Variants in NISCH observed in about 807,000 individuals in gnomAD.
The protein encoded by NISCH is nischarin.
In NISCH, 55 loss-of-function variants were observed where a neutral mutation model predicts 138.4. The ratio of observed to expected loss-of-function variants is 0.40; its 90% CI spans 0.32 to 0.50. The LOEUF is 0.50. Ranked by LOEUF, NISCH falls within the 20% of genes least tolerant of loss-of-function variation. The probability of loss-of-function intolerance (pLI) is 0.71; values close to 1 mark genes in which losing one functional copy is unlikely to be tolerated. For missense variants in NISCH, 1,643 were observed against 2,005.5 expected (o/e 0.82, Z 3.45); for synonymous variants, 860 against 861.5 (o/e 1.00, Z 0.03).
intron 1 of NISCH, among the ~76,000 whole-genome samples, chr3:52,457,226 G>A (rs1000448007): frequency 2.6e-5 from 4 of 152,182 alleles, no homozygotes; most frequent in African/African-American, 9.7e-5. Context: ...TTTTAACCCA[G>A]GCCTTCCTTA....
At chr3:52,481,586 G>A in intron 13 of NISCH, 2 of 985,568 alleles carry the variant, frequency 2.0e-6, no homozygotes, top group Non-Finnish European at 2.4e-6. Flanking sequence ...GGGACAGGGA[G>A]CTGCATCTGC....
intron 7 of NISCH, among the ~76,000 whole-genome samples, chr3:52,474,683 C>T (rs1217425847): frequency 2.0e-5 from 3 of 152,218 alleles, no homozygotes; most frequent in Non-Finnish European, 2.9e-5. Context: ...CCACCAGCCT[C>T]AGCCTCCCAA....
In NISCH at chr3:52,489,665, G is replaced by T; in HGVS notation, c.3443G>T (p.Ser1148Ile). ...RGSAIIELFH[S>I]SIAEVENEEL... Reference sequence around the variant, plus strand: ...AGCGCCATCATCGAGCTCTTCCACAGCAGCATTGCTGAGGTAGCGGCCCGG... The same window carrying T: ...AGCGCCATCATCGAGCTCTTCCACATCAGCATTGCTGAGGTAGCGGCCCGG... The change falls in exon 17 of 21, where the codon AGC becomes ATC. Residue 1148 changes from serine (S) to isoleucine (I), a missense_variant. By Grantham distance (142) the Ser-to-Ile change is moderately radical. Transcript: ENST00000345716. The T allele has an allele frequency of 6.2e-7, 1 of 1,612,344 alleles. No individual in the cohort carries two copies. Among genetic ancestry groups the T allele is most frequent in the Non-Finnish European group, 8.5e-7 (1 of 1,179,714 alleles).
intron 15 of NISCH, among the ~76,000 whole-genome samples, chr3:52,486,287 T>G (rs1481740928): frequency 6.6e-6 from 1 of 152,156 alleles, no homozygotes; most frequent in African/African-American, 2.4e-5. Context: ...AACTAATTTT[T>G]TATATTTTTA....
At position 52,488,068 on chromosome 3, in the gene NISCH, A is replaced by G; in HGVS notation, c.2576A>G (p.Tyr859Cys). The change falls in exon 16 of 21, where the codon TAC becomes TGC. Residue 859 changes from tyrosine to cysteine, a missense_variant. Physicochemically the swap from Tyr to Cys is radical, Grantham distance 194 (BLOSUM62 -2). Transcript: ENST00000345716. ...CGCAGCCAGGGCTGCTTCCCCGTCTACCTGGTCTACAGTGACAAGCGCATG... is the reference window on the plus strand; with the variant it reads ...CGCAGCCAGGGCTGCTTCCCCGTCTGCCTGGTCTACAGTGACAAGCGCATG... ...QERSQGCFPV[Y>C]LVYSDKRMVQ... The G allele has an allele frequency of 1.9e-6, 3 of 1,612,630 alleles. No individual in the cohort carries two copies. Among genetic ancestry groups the G allele is most frequent in the Non-Finnish European group, 2.5e-6 (3 of 1,179,860 alleles).
At chr3:52,480,420 G>T (rs944124513) in intron 13 of NISCH, 125 bp downstream of exon 13, 1 of 1,549,508 alleles carries the variant, frequency 6.5e-7, no homozygotes, top group Non-Finnish European at 8.7e-7. Context: ...AGGGAGGGCA[G>T]TGCCTTCTGC....
intron 12 of NISCH, 148 bp from the exon 13 acceptor site, chr3:52,480,036 C>T: frequency 1.0e-6 from 1 of 988,446 alleles, no homozygotes; most frequent in Non-Finnish European, 1.5e-6. Flanking sequence ...GGGGTGGGGA[C>T]AGTGGTAGTT....
At chr3:52,458,123 G>T (rs993787257) in intron 2 of NISCH, among the ~76,000 whole-genome samples, 197 bp downstream of exon 2, 3 of 152,230 alleles carry the variant, frequency 2.0e-5, no homozygotes, top group East Asian at 1.9e-4. Context: ...GAGCCACTCT[G>T]CAAGGAGCAT....
At position 52,458,753 on chromosome 3, in the gene NISCH, A is replaced by C; in HGVS notation, c.269A>C (p.Lys90Thr). Residue 90 changes from lysine (K) to threonine (T), a missense_variant, in exon 3 of 21, where the codon AAG becomes ACG. Transcript: ENST00000345716. ...AGAAGCTTGGTGGAGAAGAGGGAGA[A>C]GGATCTGGAGGTCTACCTCCAGAAG... ...NSRSLVEKREKDLEVYLQKLL... is the reference protein window; with the variant it reads ...NSRSLVEKRETDLEVYLQKLL... The C allele has an allele frequency of 6.2e-7, 1 of 1,613,852 alleles. No individual in the cohort carries two copies. Among genetic ancestry groups the C allele is most frequent in the Non-Finnish European group, 8.5e-7 (1 of 1,180,004 alleles).
chr3:52,457,385 G>A (rs972134982), intron 1 of NISCH, among the ~76,000 whole-genome samples: 1 of 152,238 alleles, frequency 6.6e-6, no homozygotes. Context: ...CTTCCAGGAG[G>A]TAGTCAGGGC....
chr3:52,488,636 G>A (rs774826601), intron 16 of NISCH, 31 bp downstream of exon 16: 7 of 1,550,098 alleles, frequency 4.5e-6, no homozygotes, highest in East Asian at 2.3e-5. Context: ...CAGGGGCCCC[G>A]GGGGCATGGG....
intron 1 of NISCH, among the ~76,000 whole-genome samples, chr3:52,456,946 CCCT>C (rs1432496097): frequency 2.6e-5 from 4 of 152,154 alleles, no homozygotes; most frequent in African/African-American, 9.7e-5. Context: ...TGGACTGCGC[CCCT>C]CCTCTGCATG....
intron 13 of NISCH, 193 bp from the exon 14 acceptor site, chr3:52,484,320 C>G: frequency 1.8e-6 from 1 of 560,986 alleles, no homozygotes; most frequent in Non-Finnish European, 3.2e-6. Context: ...GATAAGCAGT[C>G]ATTTGTTCTT....
chr3:52,455,782 G>T, intron 1 of NISCH, 48 bp downstream of exon 1: 2 of 1,286,636 alleles, frequency 1.6e-6, no homozygotes, highest in Non-Finnish European at 2.0e-6. Context: ...GGCTGGAACC[G>T]GGAGTCCGAC....
intron 1 of NISCH, among the ~76,000 whole-genome samples, chr3:52,456,609 C>T (rs1706479572): frequency 6.6e-6 from 1 of 152,228 alleles, no homozygotes; most frequent in African/African-American, 2.4e-5. Context: ...GGGTGGGGGC[C>T]TTGGGCCTGC....
chr3:52,460,425 AG>A (rs1296506409), intron 3 of NISCH, among the ~76,000 whole-genome samples: 4 of 140,512 alleles, frequency 2.8e-5, no homozygotes, highest in Non-Finnish European at 6.1e-5. Context: ...TTTTTGAGAC[AG>A]GGTCTCACTC....
Position 52,490,646 on chromosome 3 carries a change from C to T in NISCH, c.3614-59C>T. The T allele has an allele frequency of 2.5e-6, 4 of 1,610,796 alleles. No individual in the cohort carries two copies. In the South Asian group the frequency reaches 3.3e-5, roughly 13 times the overall value. ...CTGTTCCTGCTGGATGTGCTGCACA[C>T]CTAGGAACCTTGTGCTTGCCTGCCA... On this transcript the variant is annotated intron_variant, in intron 18 of 20. Transcript: ENST00000345716.
At chr3:52,477,703 C>A in intron 9 of NISCH, 61 bp downstream of exon 9, 2 of 1,412,442 alleles carry the variant, frequency 1.4e-6, no homozygotes, top group Non-Finnish European at 2.0e-6. Context: ...CCTGAGATTT[C>A]AGGAGACTGA....
In NISCH at chr3:52,492,102, G is replaced by A. The variant is rs750243875; in HGVS notation, c.4135G>A (p.Glu1379Lys). Residue 1379 changes from glutamate to lysine, a missense_variant, in exon 21 of 21, where the codon GAG becomes AAG. Coordinates refer to ENST00000345716, the MANE Select transcript of NISCH (RefSeq NM_007184.4). ...CAAGACACTCCTGCTCACCAGCTCC[G>A]AGATCTTCCTCCTGGATGAGGACTG... Reference protein sequence around the residue: ...RPKTLLLTSSEIFLLDEDCVH... With the variant: ...RPKTLLLTSSKIFLLDEDCVH... The A allele has an allele frequency of 3.7e-6, 6 of 1,612,994 alleles. No individual in the cohort carries two copies. Among genetic ancestry groups the A allele is most frequent in the East Asian group, 2.2e-5 (1 of 44,880 alleles).
Sources: gnomAD v4.1 joint callset for allele counts (sites outside exome capture counted in the v4.1 genomes callset) on GRCh38, gnomAD v4.1.1 for gene constraint, MANE v1.5 for transcripts, NCBI Gene and HGNC (gene_info 2026-07-23, HGNC 2026-07-21) for gene names.